F13A1: variants seen among roughly 807,000 people sequenced by gnomAD.
The protein encoded by F13A1 is FSF, A subunit.
In F13A1, 47 loss-of-function variants were observed where a neutral mutation model predicts 80.1. The observed-to-expected ratio is 0.59, with a 90% confidence interval of 0.46 to 0.75. The LOEUF (loss-of-function observed/expected upper bound fraction) is 0.75. F13A1 is among the 30% of genes least tolerant of loss of function. The probability of loss-of-function intolerance (pLI) is 0.00; values close to 1 mark genes in which losing one functional copy is unlikely to be tolerated. For synonymous variants in F13A1, 349 were observed against 344.9 expected (o/e 1.01, Z -0.13); for missense variants, 817 against 930.4 (o/e 0.88, Z 1.59).
chr6:6,283,655 G>A (rs1561678610), intron 3 of F13A1, among the ~76,000 whole-genome samples: 1 of 151,858 alleles, frequency 6.6e-6, no homozygotes, highest in Non-Finnish European at 1.5e-5. Flanking sequence ...CAATTATCCT[G>A]TATATTCATG....
intron 3 of F13A1, among the ~76,000 whole-genome samples, chr6:6,277,960 T>C (rs1479368738): frequency 6.6e-6 from 1 of 152,226 alleles, no homozygotes; most frequent in East Asian, 1.9e-4. Flanking sequence ...GTGCCCACCT[T>C]TCAGCCTCTG....
At chr6:6,320,324 T>TC (rs534965035) in intron 1 of F13A1, among the ~76,000 whole-genome samples, 78 of 152,216 alleles carry the variant, frequency 5.1e-4, no homozygotes, top group South Asian at 2.3e-3. Flanking sequence ...CACCTCCAAC[T>TC]CCCCCATCCC....
At chr6:6,200,549 T>TAAAAA (rs60759542) in intron 8 of F13A1, among the ~76,000 whole-genome samples, 1 of 105,198 alleles carries the variant, frequency 9.5e-6, no homozygotes, top group Non-Finnish European at 2.0e-5. Context: ...AGACCCTGTC[T>TAAAAA]AAAAAAAAAA....
chr6:6,311,648 T>TAAAAACATATATTGTTTATA lies in F13A1; in HGVS notation c.131-6110_131-6109insTATAAACAATATATGTTTTT, dbSNP rs1203959020. On this transcript the variant is annotated intron_variant, in intron 2 of 14. Transcript: ENST00000264870. ...TATAAAAACATATATTGTTTATATA[T>TAAAAACATATATTGTTTATA]TATATATTGTTCATATAAATTATAT... Among the ~76,000 whole-genome samples, 8 of 147,226 alleles carry TAAAAACATATATTGTTTATA rather than the reference T, an allele frequency of 5.4e-5. No individual in the cohort carries two copies. The Admixed American group carries it at 5.4e-4, about 10-fold the overall frequency.
chr6:6,202,701 T>G (rs1761420201), intron 8 of F13A1, among the ~76,000 whole-genome samples: 1 of 152,236 alleles, frequency 6.6e-6, no homozygotes. Flanking sequence ...ACTTGTTTAA[T>G]CAAGATGAGA....
chr6:6,307,865 C>T (rs1213958775), intron 2 of F13A1, among the ~76,000 whole-genome samples: 2 of 152,092 alleles, frequency 1.3e-5, no homozygotes, highest in Non-Finnish European at 2.9e-5. Context: ...CATCTGCTTC[C>T]TTGTAATTTT....
At chr6:6,279,565 T>C (rs1758033552) in intron 3 of F13A1, among the ~76,000 whole-genome samples, 1 of 152,160 alleles carries the variant, frequency 6.6e-6, no homozygotes. Context: ...AACATGAAGG[T>C]CACTGACCAG....
At chr6:6,173,023 T>C (rs1357219745) in intron 12 of F13A1, among the ~76,000 whole-genome samples, 3 of 152,126 alleles carry the variant, frequency 2.0e-5, no homozygotes, top group Non-Finnish European at 2.9e-5. Context: ...TTGTACACTT[T>C]TCTCTTCAGT....
At chr6:6,164,626 C>T (rs1011264333) in intron 13 of F13A1, among the ~76,000 whole-genome samples, 1 of 151,172 alleles carries the variant, frequency 6.6e-6, no homozygotes, top group Non-Finnish European at 1.5e-5. Flanking sequence ...TTTCTTATTA[C>T]TCTCCTCTCC....
At chr6:6,177,847 G>A (rs549517955) in intron 11 of F13A1, among the ~76,000 whole-genome samples, 18 of 152,162 alleles carry the variant, frequency 1.2e-4, no homozygotes, top group Admixed American at 8.5e-4. Flanking sequence ...GAGGCCTCTC[G>A]GAGTTTTTGG....
At chr6:6,256,747 TA>T (rs1186044882) in intron 4 of F13A1, among the ~76,000 whole-genome samples, 3 of 152,162 alleles carry the variant, frequency 2.0e-5, no homozygotes, top group Non-Finnish European at 2.9e-5. Flanking sequence ...CTACTGATTT[TA>T]GTATCTGTAT....
At chr6:6,191,187 G>C (rs999227137) in intron 10 of F13A1, among the ~76,000 whole-genome samples, 4 of 152,162 alleles carry the variant, frequency 2.6e-5, no homozygotes, top group Non-Finnish European at 4.4e-5. Flanking sequence ...CCAGTCTTCT[G>C]CGTCACTCAT....
intron 2 of F13A1, among the ~76,000 whole-genome samples, chr6:6,314,034 T>G (rs1583128579): frequency 7.0e-6 from 1 of 143,642 alleles, no homozygotes; most frequent in Non-Finnish European, 1.5e-5. Context: ...CAGGCTGGAG[T>G]GCAATGGCAC....
At chr6:6,300,501 T>C (rs1758410619) in intron 3 of F13A1, among the ~76,000 whole-genome samples, 1 of 152,136 alleles carries the variant, frequency 6.6e-6, no homozygotes. Flanking sequence ...AGTGACCCCA[T>C]TTTCCAGGTG....
At chr6:6,300,647 CT>C (rs1345867590) in intron 3 of F13A1, among the ~76,000 whole-genome samples, 4 of 152,142 alleles carry the variant, frequency 2.6e-5, no homozygotes, top group African/African-American at 9.7e-5. Context: ...CTGTGCGGCA[CT>C]CCCTAGTGAG....
At chr6:6,259,773 G>A (rs986967652) in intron 4 of F13A1, among the ~76,000 whole-genome samples, 4 of 152,174 alleles carry the variant, frequency 2.6e-5, no homozygotes, top group Non-Finnish European at 4.4e-5. Flanking sequence ...CGAATGAGGT[G>A]AGGGAAAAGC....
intron 8 of F13A1, among the ~76,000 whole-genome samples, chr6:6,199,130 G>C (rs921570658): frequency 2.6e-5 from 4 of 152,180 alleles, no homozygotes; most frequent in African/African-American, 9.7e-5. Context: ...CACTTCCTTA[G>C]TGCGAAGTGG....
chr6:6,199,099 G>A (rs376481262), intron 8 of F13A1, among the ~76,000 whole-genome samples: 7 of 152,188 alleles, frequency 4.6e-5, no homozygotes, highest in African/African-American at 1.4e-4. Context: ...GGCAATGCAC[G>A]AAACTAACAA....
chr6:6,216,283 AAGGCTAC>A (rs1757086727), intron 8 of F13A1, among the ~76,000 whole-genome samples: 1 of 151,950 alleles, frequency 6.6e-6, no homozygotes, highest in Non-Finnish European at 1.5e-5. Flanking sequence ...ACTATACTAC[AAGGCTAC>A]AGTAACCAAA....
Sources: allele counts gnomAD v4.1 joint callset (sites outside exome capture counted in the v4.1 genomes callset), GRCh38; gene constraint gnomAD v4.1.1; transcripts MANE v1.5; gene names NCBI Gene and HGNC (gene_info 2026-07-23, HGNC 2026-07-21).